PPFIBP2: variants seen among roughly 807,000 people sequenced by gnomAD.
The protein encoded by PPFIBP2 is liprin-beta-2.
PPFIBP2 carries 118 observed loss-of-function variants against 118.3 expected under a neutral mutation model. The ratio of observed to expected loss-of-function variants is 1.00; its 90% CI spans 0.86 to 1.16. The LOEUF (loss-of-function observed/expected upper bound fraction) is 1.16. Among genes scored for constraint, PPFIBP2 ranks in the 50% most tolerant of loss-of-function variants. PPFIBP2 has a pLI of 0.00. For missense variants in PPFIBP2, 1,195 were observed against 1,073.1 expected (o/e 1.11, Z -1.59); for synonymous variants, 414 against 397.4 (o/e 1.04, Z -0.50).
intron 2 of PPFIBP2, among the ~76,000 whole-genome samples, chr11:7,564,059 G>A (rs1306204816): frequency 2.6e-5 from 4 of 152,010 alleles, no homozygotes; most frequent in Admixed American, 6.5e-5. Flanking sequence ...CCAGCTACTC[G>A]GGAGGCTGAG....
intron 14 of PPFIBP2, among the ~76,000 whole-genome samples, 174 bp downstream of exon 14, chr11:7,635,767 T>G (rs771032195): frequency 5.3e-5 from 8 of 152,202 alleles, no homozygotes; most frequent in Non-Finnish European, 1.0e-4. Context: ...ACTCAGCTAT[T>G]TAATATGCTT....
intron 23 of PPFIBP2, among the ~76,000 whole-genome samples, chr11:7,652,414 C>T (rs1039217095): frequency 6.6e-6 from 1 of 152,256 alleles, no homozygotes; most frequent in Non-Finnish European, 1.5e-5. Flanking sequence ...AGACCACATT[C>T]TTCCCAGACT....
chr11:7,531,056 G>T (rs1333698804), intron 1 of PPFIBP2, among the ~76,000 whole-genome samples: 2 of 152,054 alleles, frequency 1.3e-5, no homozygotes, highest in Non-Finnish European at 2.9e-5. Context: ...AAACTTCCAG[G>T]AGCAAAACCA....
intron 16 of PPFIBP2, 80 bp downstream of exon 16, chr11:7,641,700 G>A: frequency 4.3e-6 from 6 of 1,382,318 alleles, no homozygotes; most frequent in Non-Finnish European, 6.0e-6. Flanking sequence ...GTAAGCCCCT[G>A]GTCCAATAGA....
chr11:7,663,853 C>T, the PPFIBP2 span, among the ~76,000 whole-genome samples: 46,011 of 152,028 alleles, frequency 0.3, 8,404 homozygotes, highest in Non-Finnish European at 0.41. Context: ...TCTCATGGTG[C>T]GCCGTTTTTT....
intron 13 of PPFIBP2, among the ~76,000 whole-genome samples, chr11:7,635,068 C>T (rs1262758337): frequency 6.6e-6 from 1 of 152,038 alleles, no homozygotes; most frequent in African/African-American, 2.4e-5. Flanking sequence ...TCTTGTGGCT[C>T]CTTATATAGG....
intron 10 of PPFIBP2, 113 bp from the exon 11 acceptor site, chr11:7,630,812 A>G (rs1236855927): frequency 6.4e-6 from 5 of 784,580 alleles, no homozygotes; most frequent in African/African-American, 5.1e-5. Flanking sequence ...GTCCCTTTAT[A>G]TATTTCTTAG....
chr11:7,626,573 C>T (rs1259639286), intron 8 of PPFIBP2, among the ~76,000 whole-genome samples: 4 of 152,178 alleles, frequency 2.6e-5, no homozygotes, highest in Admixed American at 2.0e-4. Flanking sequence ...ATATTTGGCC[C>T]ATTGTAGGAT....
At chr11:7,592,987 T>C in intron 3 of PPFIBP2, 145 bp from the exon 4 acceptor site, 1 of 1,258,572 alleles carries the variant, frequency 7.9e-7, no homozygotes, top group Non-Finnish European at 1.1e-6. Context: ...TGAAATCTTG[T>C]GGTTTCCTGT....
downstream of PPFIBP2, among the ~76,000 whole-genome samples, chr11:7,655,834 T>A (rs1021061888): frequency 6.6e-6 from 1 of 151,990 alleles, no homozygotes; most frequent in Non-Finnish European, 1.5e-5. Flanking sequence ...ACCTGTCTCA[T>A]CAGCCTAGAG....
intron 8 of PPFIBP2, 101 bp from the exon 9 acceptor site, chr11:7,628,184 C>A: frequency 2.1e-6 from 2 of 963,564 alleles, no homozygotes; most frequent in South Asian, 1.6e-5. Context: ...GAGCCATGTT[C>A]ACATGGCAAG....
At chr11:7,577,332 T>TGTGTGCGTGTGTGTGTGC (rs1554958813) in intron 3 of PPFIBP2, 5 of 240,230 alleles carry the variant, frequency 2.1e-5, no homozygotes, top group African/African-American at 1.3e-4. Flanking sequence ...TGTGTGTGTG[T>TGTGTGCGTGTGTGTGTGC]GTGTGTGTGT....
At chr11:7,621,126 T>G (rs1166639560) in intron 7 of PPFIBP2, 99 bp downstream of exon 7, 1 of 911,458 alleles carries the variant, frequency 1.1e-6, no homozygotes, top group Non-Finnish European at 1.8e-6. Flanking sequence ...AGTTTGAAAA[T>G]GCAAATCAAC....
intron 5 of PPFIBP2, among the ~76,000 whole-genome samples, chr11:7,608,611 G>C (rs1002548830): frequency 2.6e-5 from 4 of 152,196 alleles, no homozygotes; most frequent in African/African-American, 7.2e-5. Context: ...TTGCACTCCA[G>C]CCTGGGCAAA....
intron 2 of PPFIBP2, among the ~76,000 whole-genome samples, chr11:7,555,349 C>G: frequency 6.6e-6 from 1 of 152,146 alleles, no homozygotes; most frequent in East Asian, 1.9e-4. Flanking sequence ...GCCTTTCTGC[C>G]AACTCTGATT....
At chr11:7,611,723 A>G (rs1240204351) in intron 6 of PPFIBP2, among the ~76,000 whole-genome samples, 4 of 152,248 alleles carry the variant, frequency 2.6e-5, no homozygotes, top group African/African-American at 9.6e-5. Context: ...TGAGGAGTGA[A>G]TGAGACAATG....
At chr11:7,580,370 A>G (rs979272215) in intron 3 of PPFIBP2, among the ~76,000 whole-genome samples, 1 of 152,120 alleles carries the variant, frequency 6.6e-6, no homozygotes, top group African/African-American at 2.4e-5. Context: ...CTCTGAACTC[A>G]TGCTTTTGAA....
At chr11:7,533,196 G>A (rs148692727) in intron 1 of PPFIBP2, among the ~76,000 whole-genome samples, 4 of 152,254 alleles carry the variant, frequency 2.6e-5, no homozygotes, top group African/African-American at 4.8e-5. Context: ...AGGCCCAAGC[G>A]TAAGTTCCCC....
At chr11:7,540,456 T>C (rs1851664011) in intron 1 of PPFIBP2, among the ~76,000 whole-genome samples, 1 of 151,948 alleles carries the variant, frequency 6.6e-6, no homozygotes, top group Non-Finnish European at 1.5e-5. Context: ...TTGGTGACCA[T>C]GGGGGCATCA....
Sources: allele counts gnomAD v4.1 joint callset (sites outside exome capture counted in the v4.1 genomes callset), GRCh38; gene constraint gnomAD v4.1.1; transcripts MANE v1.5; gene names NCBI Gene and HGNC (gene_info 2026-07-23, HGNC 2026-07-21).